NAA11: variants seen among roughly 807,000 people sequenced by gnomAD.
The protein encoded by NAA11 is N-alpha-acetyltransferase 11.
A neutral mutation model predicts 16.1 loss-of-function variants in NAA11; 15 were observed. The ratio of observed to expected loss-of-function variants is 0.93; its 90% CI spans 0.62 to 1.44. The LOEUF (loss-of-function observed/expected upper bound fraction) is 1.44, where lower values mean the gene tolerates loss of function less well. Among genes scored for constraint, NAA11 ranks in the 40% most tolerant of loss-of-function variants. The pLI is 0.00. For synonymous variants in NAA11, 122 were observed against 112.4 expected, an observed-to-expected ratio of 1.09 and a Z score of -0.54; for missense variants, 298 against 291.3, an observed-to-expected ratio of 1.02 and a Z score of -0.17.
chr4:79,226,743 A>G (rs1327932064), intron 2 of NAA11, among the ~76,000 whole-genome samples: 1 of 151,774 alleles, frequency 6.6e-6, no homozygotes, highest in Non-Finnish European at 1.5e-5. Context: ...CCATGTCCCT[A>G]CAAAGGACAT....
chr4:79,255,524 A>G (rs1201407576), intron 2 of NAA11, among the ~76,000 whole-genome samples: 1 of 152,162 alleles, frequency 6.6e-6, no homozygotes, highest in Non-Finnish European at 1.5e-5. Flanking sequence ...ATCCTAAGTG[A>G]GTCCTTAAAT....
the NAA11 span, among the ~76,000 whole-genome samples, chr4:79,176,354 G>A: frequency 6.6e-6 from 1 of 152,136 alleles, no homozygotes; most frequent in East Asian, 1.9e-4. Flanking sequence ...AATGGGATAT[G>A]TATATGTATA....
intron 1 of NAA11, among the ~76,000 whole-genome samples, chr4:79,311,638 T>C (rs978565305): frequency 6.6e-6 from 1 of 152,156 alleles, no homozygotes; most frequent in African/African-American, 2.4e-5. Flanking sequence ...GCAGGTACCT[T>C]AGGGTATAAC....
At chr4:79,167,445 G>T in the NAA11 span, among the ~76,000 whole-genome samples, 4 of 151,356 alleles carry the variant, frequency 2.6e-5, no homozygotes, top group African/African-American at 4.9e-5. Context: ...AAGAACATCA[G>T]TTCTATGATA....
intron 2 of NAA11, among the ~76,000 whole-genome samples, chr4:79,292,976 C>T (rs951118705): frequency 1.3e-4 from 20 of 152,018 alleles, no homozygotes; most frequent in African/African-American, 4.1e-4. Context: ...TGCTTATCTA[C>T]TGTTTTTCTT....
downstream of NAA11, among the ~76,000 whole-genome samples, chr4:79,312,728 G>T (rs13106961): frequency 1.3e-5 from 2 of 150,228 alleles, no homozygotes; most frequent in Non-Finnish European, 2.9e-5. Flanking sequence ...GGCCTCAAGA[G>T]ATCTTCCCAC....
the NAA11 span, among the ~76,000 whole-genome samples, chr4:79,202,625 A>T: frequency 1.2e-4 from 7 of 60,008 alleles, no homozygotes; most frequent in South Asian, 9.3e-4. Flanking sequence ...ATATAGTTTT[A>T]TATATATATA....
intron 2 of NAA11, among the ~76,000 whole-genome samples, chr4:79,261,934 G>A (rs191310863): frequency 3.2e-4 from 49 of 152,132 alleles, no homozygotes; most frequent in Admixed American, 1.2e-3. Flanking sequence ...CTACATATCC[G>A]TCTATAATCT....
downstream of NAA11, among the ~76,000 whole-genome samples, chr4:79,314,641 T>TAAAAAAAAAAAAAAA (rs375245497): frequency 3.8e-3 from 376 of 98,024 alleles, 34 homozygotes; most frequent in African/African-American, 0.012. Context: ...TCCTTAAAAT[T>TAAAAAAAAAAAAAAA]AAAAAAAAAA....
At chr4:79,265,204 A>G (rs895639576) in intron 2 of NAA11, among the ~76,000 whole-genome samples, 1 of 152,110 alleles carries the variant, frequency 6.6e-6, no homozygotes, top group Non-Finnish European at 1.5e-5. Flanking sequence ...TCATATTTCA[A>G]GTCTCCCCAT....
At chr4:79,322,479 T>G (rs1724122307) in intron 1 of NAA11, among the ~76,000 whole-genome samples, 1 of 136,748 alleles carries the variant, frequency 7.3e-6, no homozygotes, top group African/African-American at 2.8e-5. Context: ...AATTCATCAG[T>G]TTTATAGGTG....
chr4:79,307,298 G>A (rs1327272825), intron 1 of NAA11: 1 of 152,128 alleles, frequency 6.6e-6, no homozygotes, highest in Non-Finnish European at 1.5e-5. Context: ...AAACAAAACA[G>A]TCTTGAGAAC....
At chr4:79,180,100 A>G in the NAA11 span, among the ~76,000 whole-genome samples, 2 of 152,198 alleles carry the variant, frequency 1.3e-5, no homozygotes, top group African/African-American at 4.8e-5. Flanking sequence ...GGGGACTACA[A>G]TTCAAGATGA....
At chr4:79,174,005 C>T in the NAA11 span, among the ~76,000 whole-genome samples, 21 of 152,022 alleles carry the variant, frequency 1.4e-4, no homozygotes, top group African/African-American at 5.1e-4. Context: ...AGGCCTAAGA[C>T]AGTCAGGGGG....
chr4:79,193,584 T>C, the NAA11 span, among the ~76,000 whole-genome samples: 1 of 152,150 alleles, frequency 6.6e-6, no homozygotes, highest in Non-Finnish European at 1.5e-5. Context: ...CATTGGTCTA[T>C]ATCTCTCTTT....
At chr4:79,247,183 T>C (rs1042565322) in intron 2 of NAA11, among the ~76,000 whole-genome samples, 1 of 152,178 alleles carries the variant, frequency 6.6e-6, no homozygotes, top group Non-Finnish European at 1.5e-5. Context: ...AAACTATCAT[T>C]GTGTATTTTG....
chr4:79,256,846 G>T (rs1217357875), intron 2 of NAA11, among the ~76,000 whole-genome samples: 1 of 151,418 alleles, frequency 6.6e-6, no homozygotes, highest in African/African-American at 2.4e-5. Context: ...TAGAGACAGG[G>T]TTTCACTGTG....
chr4:79,313,900 G>C (rs749812500), downstream of NAA11, among the ~76,000 whole-genome samples: 4 of 152,146 alleles, frequency 2.6e-5, no homozygotes, highest in Non-Finnish European at 2.9e-5. Context: ...TAGGTGTCTG[G>C]TTCCTAACAA....
In NAA11 at chr4:79,269,037, T is replaced by C. The variant is rs1326349962; in HGVS notation, c.*122+24968A>G. 2.5e-5 allele frequency among the ~76,000 whole-genome samples: 3 copies of C among 118,758 alleles called. No individual in the cohort carries two copies. In the Admixed American group the frequency reaches 2.6e-4, roughly 10 times the overall value. The allele number at this position is 118,758 out of a possible 152,430, so 77.9% of individuals were successfully genotyped here. A position where few individuals can be genotyped will look rare whatever the true frequency, so the allele number is the denominator to read the frequency against. On this transcript the variant is annotated intron_variant and NMD_transcript_variant, in intron 2 of 2. Transcript: ENST00000511542. ...CCCTACAAAGGACATGAACTCATCA[T>C]TTTTTATGGCTGCATAGTATTCCAT...
Sources: gnomAD v4.1 joint callset for allele counts (sites outside exome capture counted in the v4.1 genomes callset) on GRCh38, gnomAD v4.1.1 for gene constraint, MANE v1.5 for transcripts, NCBI Gene and HGNC (gene_info 2026-07-23, HGNC 2026-07-21) for gene names.